The following CHST11 variants were observed in gnomAD, a reference collection of about 807,000 sequenced individuals.
CHST11 encodes carbohydrate sulfotransferase 11, also known as C4S-1.
CHST11 carries 9 observed loss-of-function variants against 30.4 expected under a neutral mutation model. The observed-to-expected ratio is 0.30, with a 90% CI of 0.18 to 0.52. CHST11 has a LOEUF of 0.52. Ranked by LOEUF, CHST11 falls within the 20% of genes least tolerant of loss-of-function variation. The pLI, the probability that CHST11 is intolerant of heterozygous loss-of-function variation, is 0.97. For missense variants in CHST11, 348 were observed against 460.6 expected (o/e 0.76, Z 2.24); for synonymous variants, 152 against 187.8 (o/e 0.81, Z 1.56).
intron 2 of CHST11, among the ~76,000 whole-genome samples, chr12:104,616,753 T>G (rs964328649): frequency 6.6e-6 from 1 of 152,236 alleles, no homozygotes; most frequent in African/African-American, 2.4e-5. Context: ...CATGAGCCAC[T>G]GTGCCCGGCC....
At chr12:104,720,497 G>A (rs1246829932) in intron 2 of CHST11, among the ~76,000 whole-genome samples, 3 of 152,166 alleles carry the variant, frequency 2.0e-5, no homozygotes, top group Non-Finnish European at 2.9e-5. Flanking sequence ...CTGGACGGCA[G>A]CTACACTCAT....
chr12:104,583,799 G>A (rs540610616), intron 1 of CHST11, among the ~76,000 whole-genome samples: 1 of 151,754 alleles, frequency 6.6e-6, no homozygotes, highest in East Asian at 1.9e-4. Flanking sequence ...TGCAACCTCT[G>A]CCTCCTGGGT....
intron 2 of CHST11, among the ~76,000 whole-genome samples, chr12:104,719,849 C>T (rs917012512): frequency 2.6e-5 from 4 of 152,182 alleles, no homozygotes; most frequent in African/African-American, 4.8e-5. Context: ...TCCCCAGATG[C>T]CCCAGGGAAC....
At chr12:104,634,005 A>G (rs1458407764) in intron 2 of CHST11, among the ~76,000 whole-genome samples, 1 of 152,124 alleles carries the variant, frequency 6.6e-6, no homozygotes, top group Non-Finnish European at 1.5e-5. Flanking sequence ...CTTTTCTTTT[A>G]TAGCACTTCA....
intron 1 of CHST11, among the ~76,000 whole-genome samples, chr12:104,503,669 T>C (rs996138380): frequency 2.0e-5 from 3 of 152,160 alleles, no homozygotes; most frequent in South Asian, 2.1e-4. Flanking sequence ...CTAGAGGCCC[T>C]GCAGGACTGG....
intron 1 of CHST11, among the ~76,000 whole-genome samples, chr12:104,497,587 T>C (rs2037811692): frequency 6.6e-6 from 1 of 152,136 alleles, no homozygotes; most frequent in Non-Finnish European, 1.5e-5. Context: ...AAAAAAAATG[T>C]TTACATCCTG....
At chr12:104,649,328 TAA>T (rs2039469393) in intron 2 of CHST11, among the ~76,000 whole-genome samples, 1 of 152,200 alleles carries the variant, frequency 6.6e-6, no homozygotes, top group Non-Finnish European at 1.5e-5. Context: ...TATCCTGTGT[TAA>T]GTCTTTTCCA....
At chr12:104,697,071 A>G (rs992663456) in intron 2 of CHST11, among the ~76,000 whole-genome samples, 1 of 152,198 alleles carries the variant, frequency 6.6e-6, no homozygotes, top group African/African-American at 2.4e-5. Flanking sequence ...AATAACATTG[A>G]TCAAAGCATC....
chr12:104,745,187 A>G (rs1189526620), intron 2 of CHST11, among the ~76,000 whole-genome samples: 1 of 152,172 alleles, frequency 6.6e-6, no homozygotes, highest in Non-Finnish European at 1.5e-5. Flanking sequence ...AGCACCATTT[A>G]TTGAATAGGG....
At chr12:104,559,480 T>A (rs1202372190) in intron 1 of CHST11, among the ~76,000 whole-genome samples, 1 of 152,184 alleles carries the variant, frequency 6.6e-6, no homozygotes, top group Non-Finnish European at 1.5e-5. Flanking sequence ...CGGTGGCCCA[T>A]GCCTGTAATC....
rs764020807 is a variant in CHST11 at position 104,743,749 on chromosome 12, ATCT to A, written c.205-13196_205-13194del. On this transcript the variant is annotated intron_variant, in intron 2 of 2. Transcript: ENST00000303694. ...CAGTACCCATTAGTTGTTTTTCCTG[ATCT>A]TCTCCCTCCTCCCACCTTCCACCCT... is the stretch of plus-strand genomic sequence containing the variant. Among the ~76,000 whole-genome samples, 73 of 152,060 alleles carry A rather than the reference ATCT, an allele frequency of 4.8e-4. 1 individual carries two copies. The highest frequency in any genetic ancestry group is 2.1e-4 in the Non-Finnish European group (14 of 67,970).
chr12:104,728,960 A>G (rs921408625), intron 2 of CHST11, among the ~76,000 whole-genome samples: 1 of 152,356 alleles, frequency 6.6e-6, no homozygotes, highest in African/African-American at 2.4e-5. Flanking sequence ...TGTGACTTAC[A>G]AAACAGTATA....
At chr12:104,624,363 T>C (rs1021041349) in intron 2 of CHST11, among the ~76,000 whole-genome samples, 2 of 152,126 alleles carry the variant, frequency 1.3e-5, no homozygotes, top group African/African-American at 4.8e-5. Context: ...ACTGAATGTG[T>C]GGTCTCAGGA....
At chr12:104,530,595 G>A (rs1431509342) in intron 1 of CHST11, among the ~76,000 whole-genome samples, 1 of 152,232 alleles carries the variant, frequency 6.6e-6, no homozygotes, top group Non-Finnish European at 1.5e-5. Flanking sequence ...AGGAAAAGGT[G>A]ACGGAAGGAA....
intron 1 of CHST11, among the ~76,000 whole-genome samples, chr12:104,494,627 G>A (rs1206854434): frequency 1.3e-5 from 2 of 152,170 alleles, no homozygotes; most frequent in Admixed American, 6.5e-5. Context: ...GCGCTTCTCA[G>A]AACAATGTCG....
At chr12:104,589,447 A>C (rs568556810) in intron 1 of CHST11, among the ~76,000 whole-genome samples, 32 of 151,998 alleles carry the variant, frequency 2.1e-4, no homozygotes, top group African/African-American at 7.5e-4. Context: ...AGGAAATAGA[A>C]TGGGGGTTAC....
chr12:104,735,980 G>A (rs910939162), intron 2 of CHST11, among the ~76,000 whole-genome samples: 1 of 152,172 alleles, frequency 6.6e-6, no homozygotes, highest in African/African-American at 2.4e-5. Flanking sequence ...CAGGATGCGG[G>A]GTTGTGGCCA....
At chr12:104,750,410 T>C (rs964107560) in intron 2 of CHST11, among the ~76,000 whole-genome samples, 1 of 149,662 alleles carries the variant, frequency 6.7e-6, no homozygotes, top group Non-Finnish European at 1.5e-5. Context: ...GTTGTGTACC[T>C]GGTTTTATAT....
chr12:104,733,089 G>A (rs558121549), intron 2 of CHST11, among the ~76,000 whole-genome samples: 71 of 152,318 alleles, frequency 4.7e-4, no homozygotes, highest in African/African-American at 1.4e-3. Flanking sequence ...GCAAGGTCAC[G>A]CACTGGGATT....
Sources: allele counts gnomAD v4.1 joint callset (sites outside exome capture counted in the v4.1 genomes callset), GRCh38; gene constraint gnomAD v4.1.1; transcripts MANE v1.5; gene names NCBI Gene and HGNC (gene_info 2026-07-23, HGNC 2026-07-21).